ATP2A3: variants seen among roughly 807,000 people sequenced by gnomAD.
ATP2A3 encodes the protein ATPase sarcoplasmic/endoplasmic reticulum Ca2+ transporting 3, also known as sarcoplasmic/endoplasmic reticulum calcium ATPase 3.
ATP2A3 carries 61 observed loss-of-function variants against 106.8 expected under a neutral mutation model. That is an observed-to-expected ratio of 0.57 (90% confidence interval 0.46 to 0.71). The LOEUF is 0.71. Ranked by LOEUF, ATP2A3 falls within the 30% of genes least tolerant of loss-of-function variation. The probability of loss-of-function intolerance (pLI) is 0.00; values close to 1 mark genes in which losing one functional copy is unlikely to be tolerated. For synonymous variants in ATP2A3, 611 were observed against 609.3 expected, an observed-to-expected ratio of 1.00 and a Z score of -0.04; for missense variants, 1,201 against 1,423.5, an observed-to-expected ratio of 0.84 and a Z score of 2.52.
intron 1 of ATP2A3, among the ~76,000 whole-genome samples, chr17:3,963,426 C>T (rs1184703436): frequency 1.3e-5 from 2 of 152,238 alleles, no homozygotes; most frequent in African/African-American, 2.4e-5. Context: ...TGGACAGTAC[C>T]CGGTGGCACT....
Position 3,964,194 on chromosome 17 carries a change from C to T in ATP2A3, c.98G>A (p.Arg33Gln), listed in dbSNP as rs1331149061. The change falls in exon 1 of 21, where the codon CGG becomes CAG. Residue 33 changes from arginine (R) to glutamine (Q), a missense_variant. By Grantham distance (43) the Arg-to-Gln change is conservative (BLOSUM62 1). Coordinates refer to ENST00000397041, the MANE Select transcript of ATP2A3 (RefSeq NM_005173.4). Reference sequence around the variant, plus strand: ...CTCACCGTTGGGGCCGTAGCGCTCCCGCGCGCCGGTCACCTGCGCCGGGCT... The same window carrying T: ...CTCACCGTTGGGGCCGTAGCGCTCCTGCGCGCCGGTCACCTGCGCCGGGCT... Reference protein sequence around the residue: ...GLSPAQVTGARERYGPNELPS... With the variant: ...GLSPAQVTGAQERYGPNELPS... 6.4e-6 allele frequency: 8 copies of T among 1,244,934 alleles called. No homozygotes were observed. The African/African-American group carries it at 8.1e-5, about 13-fold the overall frequency. The allele number at this position is 1,244,934 out of a possible 1,614,324, so 77.1% of individuals were successfully genotyped here. A position where few individuals can be genotyped will look rare whatever the true frequency, so the allele number is the denominator to read the frequency against.
chr17:3,959,150 G>A (rs537487896), intron 1 of ATP2A3, among the ~76,000 whole-genome samples: 10 of 151,968 alleles, frequency 6.6e-5, no homozygotes, highest in African/African-American at 1.9e-4. Context: ...CACCCACCTC[G>A]GCCTCCCAAG....
rs1240739099 is a variant in ATP2A3 at position 3,927,012 on chromosome 17, CT to C, written c.2981-1572del. The C allele has an allele frequency of 5.1e-6, 5 of 985,488 alleles. No homozygotes were observed. The African/African-American group carries it at 8.7e-5, about 17-fold the overall frequency. 61.0% of individuals were successfully genotyped at this position (985,488 alleles called of 1,614,324 possible). A position where few individuals can be genotyped will look rare whatever the true frequency, so the allele number is the denominator to read the frequency against. On this transcript the variant is annotated intron_variant, in intron 20 of 20. Coordinates refer to ENST00000397041, the MANE Select transcript of ATP2A3 (RefSeq NM_005173.4). ...CTCAAGGCCCTTGCCCCTGCCGGGCCTCACCCCTCTGCCCTGCATGCTGAGT... is the reference window on the plus strand; with the variant it reads ...CTCAAGGCCCTTGCCCCTGCCGGGCCCACCCCTCTGCCCTGCATGCTGAGT...
rs758927376 is a variant in ATP2A3, at chr17:3,936,245, G to A, written c.2524+22C>T. 1.5e-5 allele frequency: 25 copies of A among 1,613,234 alleles called. No individual in the cohort carries two copies. Among genetic ancestry groups the A allele is most frequent in the Admixed American group, 1.2e-4 (7 of 59,974 alleles). On this transcript the variant is annotated intron_variant, in intron 16 of 20. Transcript: ENST00000397041. The surrounding 1 kb of genome is among the most constrained non-coding windows in gnomAD (Gnocchi z 5.4). The stretch of plus-strand genomic sequence containing the variant: ...CTCTTAGGAAGCTTAGGAATTCCAC[G>A]GAGGGCTCAGGCCCCACTCACCTCC...
rs1329615492 is a variant in ATP2A3, at chr17:3,928,614, G to C, written c.2980+49C>G. The C allele has an allele frequency of 6.8e-7, 1 of 1,469,476 alleles. No individual in the cohort carries two copies. The allele number at this position is 1,469,476 out of a possible 1,614,324, so 91.0% of individuals were successfully genotyped here. On this transcript the variant is annotated intron_variant, in intron 20 of 20. Transcript: ENST00000397041. The surrounding 1 kb of genome is among the most constrained non-coding windows in gnomAD (Gnocchi z 6.1). ...CAGCGTCCACTGCAGCCCAGGAGCA[G>C]AGGCGGGCGGGGAGGCAGGCTGGAG...
Position 3,925,308 on chromosome 17 carries a change from C to CGGGAACCGGT in ATP2A3, c.*113_*114insACCGGTTCCC, listed in dbSNP as rs2052641122. The CGGGAACCGGT allele has an allele frequency of 1.1e-5, 17 of 1,577,234 alleles. No individual in the cohort carries two copies. The highest frequency in any genetic ancestry group is 1.5e-5 in the Non-Finnish European group (17 of 1,153,704). On this transcript the variant is annotated 3_prime_UTR_variant, in exon 21 of 21. Coordinates refer to ENST00000397041, the MANE Select transcript of ATP2A3 (RefSeq NM_005173.4). This position sits in a 1 kb window ranked among gnomAD's most constrained non-coding sequence, Gnocchi z 4.2. ...GACCTCGGGCCTGTCATTTATCCGGCGGGACCCGGTGGGCAAGTGGGCGAG... is the reference window on the plus strand; with the variant it reads ...GACCTCGGGCCTGTCATTTATCCGGCGGGAACCGGTGGGACCCGGTGGGCAAGTGGGCGAG...
At chr17:3,942,501 C>T in intron 12 of ATP2A3, 105 bp downstream of exon 12, 17 of 1,497,038 alleles carry the variant, frequency 1.1e-5, no homozygotes, top group Non-Finnish European at 1.5e-5. Flanking sequence ...GAACTTGTAA[C>T]CCAACCCTGC....
At chr17:3,945,246 C>G (rs1407157948) in intron 8 of ATP2A3, 98 bp from the exon 9 acceptor site, 1 of 1,183,566 alleles carries the variant, frequency 8.4e-7, no homozygotes, top group Non-Finnish European at 1.2e-6. Flanking sequence ...GCCCCCTGCC[C>G]GACCGAGGGC....
rs145977939 is a variant in ATP2A3, at chr17:3,942,647, G to A, written c.1504C>T (p.Arg502Cys). ...KSMSVYCTPTRPHPTGQGSKM... is the reference protein window; with the variant it reads ...KSMSVYCTPTCPHPTGQGSKM... The stretch of plus-strand genomic sequence containing the variant: ...CTGCCCTGGCCAGTAGGGTGAGGGC[G>A]GGTGGGCGTGCAGTACACGGACATG... Residue 502 changes from arginine to cysteine, a missense_variant, in exon 12 of 21, where the codon CGC (arginine) becomes TGC (cysteine). Around this residue, in one of 2 missense-constraint regions of ATP2A3, gnomAD observed 935 missense variants for 1,176.7 expected, o/e 0.79. Transcript: ENST00000397041. 2.6e-4 allele frequency: 427 copies of A among 1,613,160 alleles called. 1 individual carries two copies. The highest frequency in any genetic ancestry group is 6.6e-4 in the Middle Eastern group (4 of 6,062).
intron 4 of ATP2A3, 25 bp downstream of exon 4, chr17:3,951,556 C>CCCG: frequency 1.0e-4 from 139 of 1,345,166 alleles, no homozygotes; most frequent in Middle Eastern, 2.5e-4. Context: ...GCCCCCCGCC[C>CCCG]GGTCCCACCC....
Position 3,925,213 on chromosome 17 carries a change from T to G in ATP2A3, c.*209A>C. On this transcript the variant is annotated 3_prime_UTR_variant, in exon 21 of 21. Coordinates refer to ENST00000397041, the MANE Select transcript of ATP2A3 (RefSeq NM_005173.4). The surrounding 1 kb of genome is among the most constrained non-coding windows in gnomAD (Gnocchi z 4.2). ...CCCAGGAGAGTCCAGGAGACAGGAA[T>G]TACAGACCTCCCAGGCCAGAAGGAA... The G allele has an allele frequency of 1.4e-6, 1 of 730,458 alleles. No individual in the cohort carries two copies. Among genetic ancestry groups the G allele is most frequent in the South Asian group, 1.7e-5 (1 of 57,420 alleles). 45.2% of individuals were successfully genotyped at this position (730,458 alleles called of 1,614,324 possible).
At position 3,964,257 on chromosome 17, in the gene ATP2A3, A is replaced by C; in HGVS notation, c.35T>G (p.Val12Gly). 1 of 1,281,402 alleles carries C rather than the reference A, an allele frequency of 7.8e-7. No homozygotes were observed. The highest frequency in any genetic ancestry group is 1.0e-6 in the Non-Finnish European group (1 of 1,002,478). 79.4% of individuals were successfully genotyped at this position (1,281,402 alleles called of 1,614,324 possible). The change falls in exon 1 of 21, where the codon GTG becomes GGG. Residue 12 changes from valine to glycine, a missense_variant. Physicochemically the swap from Val to Gly is moderately radical, Grantham distance 109. This residue lies in a region of ATP2A3 where 266 missense variants were observed against 246.8 expected (regional missense o/e 1.08). Transcript: ENST00000397041. ...EAAHLLPAADVLRHFSVTAEG... is the reference protein window; with the variant it reads ...EAAHLLPAADGLRHFSVTAEG... ...GGCTGTCACCGAGAAGTGGCGCAGC[A>C]CGTCGGCGGCCGGGAGCAGATGCGC...
At chr17:3,934,433 T>C (rs557285297) in intron 17 of ATP2A3, among the ~76,000 whole-genome samples, 1 of 152,088 alleles carries the variant, frequency 6.6e-6, no homozygotes, top group Non-Finnish European at 1.5e-5. Flanking sequence ...TTGCCCAGGC[T>C]GGTCTCAAAC....
At chr17:3,927,918 C>T in intron 20 of ATP2A3, 20 of 1,607,500 alleles carry the variant, frequency 1.2e-5, no homozygotes, top group Non-Finnish European at 1.7e-5. Context: ...ACCTAGGCCC[C>T]TGCACAGCAG....
chr17:3,950,492 C>T lies in ATP2A3; in HGVS notation c.630+19G>A, dbSNP rs375843886. On this transcript the variant is annotated intron_variant, in intron 7 of 20. Transcript: ENST00000397041. ...ATTTTTATCATTGTCTGGGCAAAGGCCCCAGACATTTGACTTACAGAAAAC... is the reference window on the plus strand; with the variant it reads ...ATTTTTATCATTGTCTGGGCAAAGGTCCCAGACATTTGACTTACAGAAAAC... 1.7e-5 allele frequency: 28 copies of T among 1,607,016 alleles called. No homozygotes were observed. In the African/African-American group the frequency reaches 3.3e-4, roughly 19 times the overall value.
chr17:3,935,100 A>G, intron 17 of ATP2A3, 92 bp downstream of exon 17: 1 of 1,322,688 alleles, frequency 7.6e-7, no homozygotes, highest in South Asian at 1.2e-5. Flanking sequence ...AGGACACTGC[A>G]GGCCACCCAT....
chr17:3,936,442 C>A lies in ATP2A3; in HGVS notation c.2349G>T (p.Leu783=). The A allele has an allele frequency of 2.5e-6, 4 of 1,614,094 alleles. No individual in the cohort carries two copies. The highest frequency in any genetic ancestry group is 3.4e-6 in the Non-Finnish European group (4 of 1,180,024). Residue 783 remains leucine, a synonymous_variant, in exon 16 of 21, where the codon CTG becomes CTT. Transcript: ENST00000397041. This position sits in a 1 kb window ranked among gnomAD's most constrained non-coding sequence, Gnocchi z 5.4. ...VCIFLTAILG[L]PEALIPVQLL... is the part of the protein sequence containing the mutation. ...GCTGCACAGGGATCAGGGCTTCGGG[C>A]AGGCCCAGAATTGCCGTGAGGAAGA...
chr17:3,958,867 TATAC>T (rs1395374888), intron 1 of ATP2A3, among the ~76,000 whole-genome samples: 2 of 102,526 alleles, frequency 2.0e-5, no homozygotes, highest in African/African-American at 5.0e-5. Flanking sequence ...TATATATATA[TATAC>T]ACACACACAC....
rs751900393 is a variant in ATP2A3, at chr17:3,925,331, G to A, written c.*91C>T. The A allele has an allele frequency of 9.3e-6, 15 of 1,608,010 alleles. No individual in the cohort carries two copies. The highest frequency in any genetic ancestry group is 3.3e-4 in the Middle Eastern group (2 of 6,042). On this transcript the variant is annotated 3_prime_UTR_variant, in exon 21 of 21. Coordinates refer to ENST00000397041, the MANE Select transcript of ATP2A3 (RefSeq NM_005173.4). This position sits in a 1 kb window ranked among gnomAD's most constrained non-coding sequence, Gnocchi z 4.2. The stretch of plus-strand genomic sequence containing the variant: ...GGCGGGACCCGGTGGGCAAGTGGGC[G>A]AGTGTGGTGGCAAGGGTGGGGGGCG...
Sources: gnomAD v4.1 joint callset for allele counts (sites outside exome capture counted in the v4.1 genomes callset) on GRCh38, gnomAD v4.1.1 for gene constraint, gnomAD v4.1.1 regional missense constraint, Gnocchi (gnomAD v3.1) non-coding constraint, MANE v1.5 for transcripts, NCBI Gene and HGNC (gene_info 2026-07-23, HGNC 2026-07-21) for gene names.